The following USP20 variants were observed in gnomAD, a reference collection of about 807,000 sequenced individuals.
USP20 encodes ubiquitin carboxyl-terminal hydrolase 20.
USP20 carries 80 observed loss-of-function variants against 124.2 expected under a neutral mutation model. The ratio of observed to expected loss-of-function variants is 0.64; its 90% CI spans 0.54 to 0.78. USP20 has a LOEUF of 0.78. Ranked by LOEUF, USP20 falls within the 30% of genes least tolerant of loss-of-function variation. USP20 has a pLI of 0.00. For missense variants in USP20, 1,043 were observed against 1,244.4 expected (o/e 0.84, Z 2.44); for synonymous variants, 481 against 512.3 (o/e 0.94, Z 0.83).
chr9:129,861,062 A>G, intron 7 of USP20, 29 bp downstream of exon 7: 3 of 1,606,582 alleles, frequency 1.9e-6, no homozygotes, highest in Non-Finnish European at 2.6e-6. Context: ...GGGGAAGCTG[A>G]TGGGCTGGGC....
intron 10 of USP20, among the ~76,000 whole-genome samples, chr9:129,866,013 T>C (rs1277034526): frequency 6.6e-6 from 1 of 152,236 alleles, no homozygotes; most frequent in Non-Finnish European, 1.5e-5. Context: ...TTCTATTTTA[T>C]AAAATAATGA....
At chr9:129,870,331 G>T (rs958663955) in intron 14 of USP20, 122 bp from the exon 15 acceptor site, 1 of 1,064,948 alleles carries the variant, frequency 9.4e-7, no homozygotes. Flanking sequence ...GTGCCCGGCT[G>T]CTTCTCTGGG....
chr9:129,849,542 T>C (rs1028705789), intron 1 of USP20, among the ~76,000 whole-genome samples: 11 of 152,196 alleles, frequency 7.2e-5, no homozygotes, highest in Non-Finnish European at 2.9e-5. Flanking sequence ...GGAGGACTAC[T>C]TGAGCCCAGG....
intron 12 of USP20, 128 bp from the exon 13 acceptor site, chr9:129,869,182 G>A: frequency 3.8e-6 from 5 of 1,319,280 alleles, no homozygotes; most frequent in Non-Finnish European, 5.3e-6. Context: ...GCATGAGATG[G>A]TGAATTGCTT....
intron 15 of USP20, among the ~76,000 whole-genome samples, chr9:129,872,256 A>G (rs1163187863): frequency 6.6e-6 from 1 of 151,026 alleles, no homozygotes; most frequent in Non-Finnish European, 1.5e-5. Flanking sequence ...GGGTGCAAGC[A>G]GTCCTCCCAT....
intron 1 of USP20, among the ~76,000 whole-genome samples, chr9:129,841,647 T>TG (rs1200525390): frequency 6.6e-6 from 1 of 152,174 alleles, no homozygotes; most frequent in African/African-American, 2.4e-5. Context: ...ACCTTCACGT[T>TG]GCAGGGAAGC....
At chr9:129,844,376 A>G (rs191753375) in intron 1 of USP20, among the ~76,000 whole-genome samples, 196 of 152,310 alleles carry the variant, frequency 1.3e-3, no homozygotes, top group Non-Finnish European at 2.1e-3. Context: ...CTGTAATCCC[A>G]GCACTTTGGG....
chr9:129,851,530 G>A (rs1390341907), intron 2 of USP20, among the ~76,000 whole-genome samples: 1 of 149,100 alleles, frequency 6.7e-6, no homozygotes, highest in Admixed American at 6.6e-5. Flanking sequence ...TGTGTGTTCA[G>A]TTATTTGCAC....
intron 9 of USP20, 144 bp from the exon 10 acceptor site, chr9:129,865,159 G>T: frequency 1.4e-6 from 1 of 739,896 alleles, no homozygotes. Flanking sequence ...TGAGCCTCTT[G>T]GGGCTCCTGG....
chr9:129,843,925 G>A (rs552214124), intron 1 of USP20, among the ~76,000 whole-genome samples: 1 of 152,122 alleles, frequency 6.6e-6, no homozygotes, highest in Non-Finnish European at 1.5e-5. Flanking sequence ...AAAGTAGCCA[G>A]GCTTGGTAGT....
At chr9:129,842,208 G>C (rs1296477289) in intron 1 of USP20, among the ~76,000 whole-genome samples, 1 of 152,156 alleles carries the variant, frequency 6.6e-6, no homozygotes. Flanking sequence ...TAAAGTCACA[G>C]ACTTGCAAGG....
At chr9:129,870,379 T>G (rs1183673802) in intron 14 of USP20, 74 bp from the exon 15 acceptor site, 43 of 1,517,914 alleles carry the variant, frequency 2.8e-5, no homozygotes, top group Non-Finnish European at 3.7e-5. Context: ...CTGACAGACC[T>G]CAGCCAGAGT....
At chr9:129,851,598 A>G (rs771568629) in intron 2 of USP20, among the ~76,000 whole-genome samples, 14 of 152,316 alleles carry the variant, frequency 9.2e-5, no homozygotes, top group South Asian at 6.2e-4. Flanking sequence ...AGAGCTGTTC[A>G]TCTTCACCAA....
At chr9:129,860,610 G>A (rs10123434) in intron 6 of USP20, among the ~76,000 whole-genome samples, 133,274 of 151,978 alleles carry the variant, frequency 0.88, 58,826 homozygotes, top group East Asian at 1. Flanking sequence ...TGTAGTCTCA[G>A]CTACTGAGAA....
rs987006761 is a variant in USP20 at position 129,881,045 on chromosome 9, G to C, written c.*595G>C. ...CTCATTGCTGATTGGAACACCAGGA[G>C]GAGGTTGGATTTCTGCCAGTGGGGG... On this transcript the variant is annotated 3_prime_UTR_variant, in exon 26 of 26. Coordinates refer to ENST00000372429, the MANE Select transcript of USP20 (RefSeq NM_001110303.4). 6.6e-6 allele frequency: 1 copy of C among 152,518 alleles called. No individual in the cohort carries two copies. Among genetic ancestry groups the C allele is most frequent in the Non-Finnish European group, 1.5e-5 (1 of 68,258 alleles). 9.4% of individuals were successfully genotyped at this position (152,518 alleles called of 1,614,324 possible).
In USP20 at chr9:129,843,566, C is replaced by G. The variant is rs928164745; in HGVS notation, c.-128-6247C>G. Among the ~76,000 whole-genome samples, 5 of 152,018 alleles carry G rather than the reference C, an allele frequency of 3.3e-5. No homozygotes were observed. The South Asian group carries it at 1.0e-3, about 32-fold the overall frequency. On this transcript the variant is annotated intron_variant, in intron 1 of 25. Transcript: ENST00000372429. Reference sequence around the variant, plus strand: ...CCTGACCAATGTGGTGAAACCTCATCTCTACTAAAAATCCAAAAAGATTAG... The same window carrying G: ...CCTGACCAATGTGGTGAAACCTCATGTCTACTAAAAATCCAAAAAGATTAG...
intron 5 of USP20, 56 bp downstream of exon 5, chr9:129,858,168 C>A: frequency 1.3e-6 from 2 of 1,578,416 alleles, no homozygotes; most frequent in Non-Finnish European, 1.7e-6. Context: ...GGGGTTCAAA[C>A]CCCAGCTCCA....
At chr9:129,861,259 C>T (rs1271902534) in intron 7 of USP20, among the ~76,000 whole-genome samples, 1 of 152,126 alleles carries the variant, frequency 6.6e-6, no homozygotes, top group East Asian at 1.9e-4. Context: ...GCTGGGTGAC[C>T]CTGGGCAGGC....
At chr9:129,860,373 T>C (rs1479293043) in intron 6 of USP20, among the ~76,000 whole-genome samples, 1 of 151,600 alleles carries the variant, frequency 6.6e-6, no homozygotes, top group African/African-American at 2.4e-5. Flanking sequence ...ATACAGACTA[T>C]TAACAGCAGT....
Sources: gnomAD v4.1 joint callset for allele counts (sites outside exome capture counted in the v4.1 genomes callset) on GRCh38, gnomAD v4.1.1 for gene constraint, MANE v1.5 for transcripts, NCBI Gene and HGNC (gene_info 2026-07-23, HGNC 2026-07-21) for gene names.